AGPAT5: variants seen among roughly 807,000 people sequenced by gnomAD.
The protein encoded by AGPAT5 is 1-acylglycerol-3-phosphate O-acyltransferase 5, also known as 1-acyl-sn-glycerol-3-phosphate acyltransferase epsilon.
AGPAT5 carries 46 observed loss-of-function variants against 45.6 expected under a neutral mutation model. The observed-to-expected ratio is 1.01, with a 90% CI of 0.80 to 1.29. The LOEUF (loss-of-function observed/expected upper bound fraction) is 1.29, where lower values mean the gene tolerates loss of function less well. Ranked by LOEUF, AGPAT5 falls within the 50% of genes most tolerant of loss-of-function variation. The pLI, the probability that AGPAT5 is intolerant of heterozygous loss-of-function variation, is 0.00. For synonymous variants in AGPAT5, 272 were observed against 167.0 expected, an observed-to-expected ratio of 1.63 and a Z score of -4.85; for missense variants, 673 against 450.7, an observed-to-expected ratio of 1.49 and a Z score of -4.47.
chr8:6,719,456 C>G (rs574308557), intron 1 of AGPAT5, among the ~76,000 whole-genome samples: 1 of 152,288 alleles, frequency 6.6e-6, no homozygotes, highest in Admixed American at 6.5e-5. Flanking sequence ...AATTCCCACC[C>G]GGAACAGGAA....
In AGPAT5 at chr8:6,747,808, G is replaced by C. The variant is rs749579729; in HGVS notation, c.725G>C (p.Arg242Thr). 3.7e-6 allele frequency: 6 copies of C among 1,614,166 alleles called. No individual in the cohort carries two copies. Among genetic ancestry groups the C allele is most frequent in the Non-Finnish European group, 5.1e-6 (6 of 1,180,024 alleles). The change falls in exon 6 of 8, where the codon AGA (arginine) becomes ACA (threonine). Residue 242 changes from arginine (R) to threonine (T), a missense_variant. By Grantham distance (71) the Arg-to-Thr change is moderately conservative. Coordinates refer to ENST00000285518, the MANE Select transcript of AGPAT5 (RefSeq NM_018361.5). ...YEGKDDGGQR[R>T]ESPTMTEFLC... ...GGGAAAGACGATGGAGGGCAGCGAA[G>C]AGAGTCACCGACCATGACGGGTAAG...
chr8:6,722,195 G>A (rs1355467554), intron 1 of AGPAT5, among the ~76,000 whole-genome samples: 1 of 152,164 alleles, frequency 6.6e-6, no homozygotes, highest in Non-Finnish European at 1.5e-5. Context: ...CACCTTTACA[G>A]ATGGAAATTC....
At chr8:6,715,109 G>C (rs1266177284) in intron 1 of AGPAT5, among the ~76,000 whole-genome samples, 3 of 152,176 alleles carry the variant, frequency 2.0e-5, no homozygotes, top group South Asian at 2.1e-4. Flanking sequence ...GGTACCAAGG[G>C]GTACAATGTT....
At chr8:6,748,695 C>G (rs2980658) in intron 6 of AGPAT5, among the ~76,000 whole-genome samples, 108,700 of 152,014 alleles carry the variant, frequency 0.72, 40,473 homozygotes, top group African/African-American at 0.92. Context: ...AGTAGATATG[C>G]GATTTCACCT....
In AGPAT5 at chr8:6,750,643, T is replaced by C. The variant is rs138858936; in HGVS notation, c.745+2815T>C. On this transcript the variant is annotated intron_variant, in intron 6 of 7. Coordinates refer to ENST00000285518, the MANE Select transcript of AGPAT5 (RefSeq NM_018361.5). ...GATGACTGATAACTAGAAAGAAAAA[T>C]GGGTAAAGAACAACAATAGACATTT... Among the ~76,000 whole-genome samples, 331 of 151,808 alleles carry C rather than the reference T, an allele frequency of 2.2e-3. 2 individuals carry two copies. Among genetic ancestry groups the C allele is most frequent in the Admixed American group, 5.4e-3 (83 of 15,242 alleles).
chr8:6,744,107 G>A (rs904259170), intron 5 of AGPAT5, among the ~76,000 whole-genome samples: 1 of 151,844 alleles, frequency 6.6e-6, no homozygotes, highest in African/African-American at 2.4e-5. Flanking sequence ...TTATAATATA[G>A]GATATTAATA....
At chr8:6,728,471 C>G (rs1800759825) in intron 2 of AGPAT5, among the ~76,000 whole-genome samples, 1 of 152,170 alleles carries the variant, frequency 6.6e-6, no homozygotes, top group Non-Finnish European at 1.5e-5. Context: ...CTAAAATATT[C>G]AAGTTTAAGG....
chr8:6,740,204 G>A (rs558866057), intron 4 of AGPAT5, among the ~76,000 whole-genome samples: 9 of 151,996 alleles, frequency 5.9e-5, no homozygotes, highest in Non-Finnish European at 1.0e-4. Flanking sequence ...AGAAATAATC[G>A]TTTTATTTAT....
At chr8:6,743,334 C>T (rs1205159356) in intron 5 of AGPAT5, among the ~76,000 whole-genome samples, 2 of 152,230 alleles carry the variant, frequency 1.3e-5, no homozygotes, top group East Asian at 1.9e-4. Flanking sequence ...CTCCATGTCT[C>T]TCTGCCTAAC....
chr8:6,727,917 C>T (rs1800740818), intron 2 of AGPAT5, among the ~76,000 whole-genome samples: 1 of 152,188 alleles, frequency 6.6e-6, no homozygotes, highest in Admixed American at 6.5e-5. Flanking sequence ...GTGATAGCTC[C>T]TTTCAGGCAC....
chr8:6,753,917 C>T (rs1801740161), intron 6 of AGPAT5, among the ~76,000 whole-genome samples: 1 of 152,134 alleles, frequency 6.6e-6, no homozygotes, highest in Non-Finnish European at 1.5e-5. Flanking sequence ...AGAGCAGTTG[C>T]AGAGAGTACT....
intron 1 of AGPAT5, among the ~76,000 whole-genome samples, chr8:6,721,484 G>C (rs1415607665): frequency 6.6e-6 from 1 of 152,188 alleles, no homozygotes; most frequent in African/African-American, 2.4e-5. Flanking sequence ...CTATGTTCTA[G>C]GTGTTGTATG....
At chr8:6,711,980 A>G (rs1321120195) in intron 1 of AGPAT5, among the ~76,000 whole-genome samples, 2 of 152,224 alleles carry the variant, frequency 1.3e-5, no homozygotes, top group African/African-American at 2.4e-5. Context: ...ATAAGAAAAC[A>G]TTCACAGGTT....
At chr8:6,723,124 T>G (rs1587011314) in intron 1 of AGPAT5, among the ~76,000 whole-genome samples, 1 of 152,230 alleles carries the variant, frequency 6.6e-6, no homozygotes, top group Admixed American at 6.5e-5. Flanking sequence ...GAAACTACCT[T>G]TATTTTGAAA....
chr8:6,731,566 CTG>C (rs1227136693), intron 3 of AGPAT5, among the ~76,000 whole-genome samples: 1 of 151,200 alleles, frequency 6.6e-6, no homozygotes, highest in Non-Finnish European at 1.5e-5. Context: ...TATTTTTGAT[CTG>C]TGATTTGTTG....
chr8:6,721,476 A>G (rs1219040254), intron 1 of AGPAT5, among the ~76,000 whole-genome samples: 4 of 152,192 alleles, frequency 2.6e-5, no homozygotes, highest in Non-Finnish European at 4.4e-5. Flanking sequence ...GTTGGTTACT[A>G]TGTTCTAGGT....
Position 6,760,483 on chromosome 8 carries a change from TGAAAA to T in AGPAT5, c.*3098_*3102del. On this transcript the variant is annotated 3_prime_UTR_variant, in exon 8 of 8. Transcript: ENST00000285518. ...TCCCAGATATGTACCACAAAAAATG[TGAAAA>T]GAGAGAGAAATGTCTACCAAAGCAG... Among the ~76,000 whole-genome samples the T allele has an allele frequency of 6.6e-6, 1 of 152,064 alleles. No individual in the cohort carries two copies. The highest frequency in any genetic ancestry group is 1.5e-5 in the Non-Finnish European group (1 of 67,916).
At chr8:6,743,626 T>A (rs1410975900) in intron 5 of AGPAT5, among the ~76,000 whole-genome samples, 1 of 152,234 alleles carries the variant, frequency 6.6e-6, no homozygotes, top group African/African-American at 2.4e-5. Flanking sequence ...ATATTTAAAC[T>A]TTTCTCAGCT....
chr8:6,733,731 C>G (rs187927661), intron 4 of AGPAT5, among the ~76,000 whole-genome samples: 89 of 152,276 alleles, frequency 5.8e-4, no homozygotes, highest in Middle Eastern at 6.8e-3. Context: ...ATTTAAAAAT[C>G]ATGAATTTAT....
Sources: allele counts gnomAD v4.1 joint callset (sites outside exome capture counted in the v4.1 genomes callset), GRCh38; gene constraint gnomAD v4.1.1; transcripts MANE v1.5; gene names NCBI Gene and HGNC (gene_info 2026-07-23, HGNC 2026-07-21).